Variants in ZNF543 observed in about 807,000 individuals in gnomAD.
ZNF543 encodes zinc finger protein 543.
In ZNF543, 10 loss-of-function variants were observed where a neutral mutation model predicts 13.4. The ratio of observed to expected loss-of-function variants is 0.75; its 90% CI spans 0.46 to 1.26. The LOEUF is 1.26. ZNF543 is among the 50% of genes most tolerant of loss of function. ZNF543 has a pLI of 0.00. For synonymous variants in ZNF543, 272 were observed against 264.7 expected (o/e 1.03, Z -0.27); for missense variants, 768 against 741.2 (o/e 1.04, Z -0.42).
rs935517988 is a variant in ZNF543, at chr19:57,329,663, C to T, written c.*398C>T. 7.4e-5 allele frequency: 12 copies of T among 161,494 alleles called. No homozygotes were observed. Among genetic ancestry groups the T allele is most frequent in the Admixed American group, 1.8e-4 (3 of 17,018 alleles). 10.0% of individuals were successfully genotyped at this position (161,494 alleles called of 1,614,324 possible). A position where few individuals can be genotyped will look rare whatever the true frequency, so the allele number is the denominator to read the frequency against. The stretch of plus-strand genomic sequence containing the variant: ...AAGTAGCTGGGACTACAGGCACCCG[C>T]CACTACGCCTGGCTAATTTTTTGTA... On this transcript the variant is annotated 3_prime_UTR_variant, in exon 4 of 4. Coordinates refer to ENST00000321545, the MANE Select transcript of ZNF543 (RefSeq NM_213598.4).
rs761133581 is a variant in ZNF543, at chr19:57,328,110, G to T, written c.648G>T (p.Gln216His). ...TTAAAAAGAATGCCCTCCTTGTTCA[G>T]CATGAACGGATTCACACTCAAGTGA... ...KVFKKNALLVQHERIHTQVKP... is the reference protein window; with the variant it reads ...KVFKKNALLVHHERIHTQVKP... Residue 216 changes from glutamine (Q) to histidine (H), a missense_variant, in exon 4 of 4, where the codon CAG becomes CAT. This residue lies in a region of ZNF543 where 677 missense variants were observed against 631.4 expected (regional missense o/e 1.07). Transcript: ENST00000321545. 6.2e-7 allele frequency: 1 copy of T among 1,614,252 alleles called. No homozygotes were observed.
At chr19:57,326,898 C>T (rs952484744) in intron 3 of ZNF543, among the ~76,000 whole-genome samples, 170 bp downstream of exon 3, 1 of 120,326 alleles carries the variant, frequency 8.3e-6, no homozygotes, top group African/African-American at 3.2e-5. Context: ...GACAGGGTTT[C>T]ACTCTGTCAC....
Position 57,327,196 on chromosome 19 carries a change from G to A in ZNF543, c.241+468G>A, listed in dbSNP as rs567702842. 2.9e-4 allele frequency among the ~76,000 whole-genome samples: 44 copies of A among 151,928 alleles called. No homozygotes were observed. In the South Asian group the frequency reaches 7.9e-3, roughly 27 times the overall value. On this transcript the variant is annotated intron_variant, in intron 3 of 3. Coordinates refer to ENST00000321545, the MANE Select transcript of ZNF543 (RefSeq NM_213598.4). ...AGTACTTCCAAGTTAGGTCCCAGAT[G>A]TATATATTTCACTAACGCATAATAA...
chr19:57,326,985 A>G (rs1235032528), intron 3 of ZNF543, among the ~76,000 whole-genome samples: 1 of 151,612 alleles, frequency 6.6e-6, no homozygotes, highest in Non-Finnish European at 1.5e-5. Context: ...CTCCCACCTC[A>G]GCCTCCCGGG....
In ZNF543 at chr19:57,320,735, G is replaced by A. The variant is rs925000035; in HGVS notation, c.-119G>A. ...CCGCTTTGTGCGCATTTTTCTCTGG[G>A]GAAACTGAGGCTCCGAGTGCGAAAG... is the stretch of plus-strand genomic sequence containing the variant. On this transcript the variant is annotated 5_prime_UTR_variant, in exon 1 of 4. Transcript: ENST00000321545. The A allele has an allele frequency of 2.3e-6, 3 of 1,294,820 alleles. No homozygotes were observed. The highest frequency in any genetic ancestry group is 2.1e-6 in the Non-Finnish European group (2 of 944,818). The allele number at this position is 1,294,820 out of a possible 1,614,324, so 80.2% of individuals were successfully genotyped here.
chr19:57,326,863 G>GCCCCCCCCC (rs752772288), intron 3 of ZNF543, 135 bp downstream of exon 3: 1 of 568,976 alleles, frequency 1.8e-6, no homozygotes, highest in African/African-American at 2.5e-5. Flanking sequence ...GCCTCTCCCC[G>GCCCCCCCCC]CCCGCCCCCC....
intron 3 of ZNF543, among the ~76,000 whole-genome samples, chr19:57,327,143 A>G (rs2088126634): frequency 6.6e-6 from 1 of 151,932 alleles, no homozygotes; most frequent in Non-Finnish European, 1.5e-5. Context: ...CTGAGCCACC[A>G]AGCCTGGCCT....
chr19:57,327,378 A>G (rs372708853), intron 3 of ZNF543, among the ~76,000 whole-genome samples: 9 of 136,720 alleles, frequency 6.6e-5, no homozygotes, highest in African/African-American at 2.5e-4. Context: ...GGAGCCTCCC[A>G]CTGTTGCCCT....
intron 3 of ZNF543, 81 bp downstream of exon 3, chr19:57,326,809 C>T: frequency 8.6e-7 from 1 of 1,162,122 alleles, no homozygotes; most frequent in Non-Finnish European, 1.3e-6. Flanking sequence ...ATTTTGTGGG[C>T]AATCTTCTTA....
At chr19:57,321,448 C>G (rs972061298) in intron 1 of ZNF543, among the ~76,000 whole-genome samples, 2 of 152,106 alleles carry the variant, frequency 1.3e-5, no homozygotes. Context: ...GAGAATCTGA[C>G]GATATTAAAG....
At chr19:57,323,443 T>C (rs1334618225) in intron 1 of ZNF543, among the ~76,000 whole-genome samples, 3 of 151,946 alleles carry the variant, frequency 2.0e-5, no homozygotes, top group Non-Finnish European at 4.4e-5. Flanking sequence ...CTGCCCTTCA[T>C]GGCCCCCCAA....
At position 57,328,930 on chromosome 19, in the gene ZNF543, C is replaced by G. The variant is rs371999397; in HGVS notation, c.1468C>G (p.Arg490Gly). The G allele has an allele frequency of 6.2e-7, 1 of 1,613,940 alleles. No individual in the cohort carries two copies. The highest frequency in any genetic ancestry group is 1.1e-5 in the South Asian group (1 of 91,080). ...ECVECGKAFN[R>G]SSHLTRHQQI... ...CGTGGAGTGTGGAAAGGCCTTCAAC[C>G]GCAGCTCACACCTCACGAGGCACCA... The change falls in exon 4 of 4, where the codon CGC becomes GGC. Residue 490 changes from arginine (R) to glycine (G), a missense_variant. This residue lies in a region of ZNF543 where 677 missense variants were observed against 631.4 expected (regional missense o/e 1.07). Coordinates refer to ENST00000321545, the MANE Select transcript of ZNF543 (RefSeq NM_213598.4).
At position 57,320,876 on chromosome 19, in the gene ZNF543, G is replaced by C. The variant is rs199716633; in HGVS notation, c.18+5G>C. 1 of 1,614,066 alleles carries C rather than the reference G, an allele frequency of 6.2e-7. No homozygotes were observed. Among genetic ancestry groups the C allele is most frequent in the East Asian group, 2.2e-5 (1 of 44,854 alleles). ...AGGATGGCAGCCTCGGCGCAGGTGA[G>C]TGGACGAGGTTTTGGCCTTGCTGCT... On this transcript the variant is annotated splice_donor_5th_base_variant and intron_variant, in intron 1 of 3. Coordinates refer to ENST00000321545, the MANE Select transcript of ZNF543 (RefSeq NM_213598.4).
intron 1 of ZNF543, among the ~76,000 whole-genome samples, chr19:57,323,415 A>G (rs889832191): frequency 6.6e-6 from 1 of 151,524 alleles, no homozygotes; most frequent in African/African-American, 2.4e-5. Flanking sequence ...GATGGTCTCG[A>G]TCTCCTGACC....
chr19:57,328,946 C>A lies in ZNF543; in HGVS notation c.1484C>A (p.Thr495Lys). The A allele has an allele frequency of 6.2e-7, 1 of 1,613,958 alleles. No individual in the cohort carries two copies. Among genetic ancestry groups the A allele is most frequent in the Non-Finnish European group, 8.5e-7 (1 of 1,179,994 alleles). Residue 495 changes from threonine to lysine, a missense_variant, in exon 4 of 4, where the codon ACG (threonine) becomes AAG (lysine). Transcript: ENST00000321545. ...GKAFNRSSHL[T>K]RHQQIHTGEK... The stretch of plus-strand genomic sequence containing the variant: ...GCCTTCAACCGCAGCTCACACCTCA[C>A]GAGGCACCAACAGATTCACACTGGA...
rs1453223962 is a variant in ZNF543, at chr19:57,327,993, T to C, written c.531T>C (p.Asp177=). The change falls in exon 4 of 4, where the codon GAT becomes GAC. Residue 177 remains aspartate (D), a synonymous_variant. Transcript: ENST00000321545. The part of the protein sequence containing the change: ...ITQKQVSTEG[D]LYECDSHGPV... Reference sequence around the variant, plus strand: ...AGAAACAAGTTTCAACAGAAGGTGATCTCTATGAATGTGATTCACATGGAC... The same window carrying C: ...AGAAACAAGTTTCAACAGAAGGTGACCTCTATGAATGTGATTCACATGGAC... 6.2e-7 allele frequency: 1 copy of C among 1,614,184 alleles called. No individual in the cohort carries two copies. The highest frequency in any genetic ancestry group is 2.2e-5 in the East Asian group (1 of 44,890).
intron 1 of ZNF543, among the ~76,000 whole-genome samples, chr19:57,322,476 C>G (rs957079278): frequency 6.2e-5 from 8 of 129,970 alleles, no homozygotes; most frequent in Non-Finnish European, 9.9e-5. Flanking sequence ...TATTGAGACC[C>G]TGTCTCAAAA....
At chr19:57,327,369 G>A (rs2088127839) in intron 3 of ZNF543, among the ~76,000 whole-genome samples, 1 of 147,396 alleles carries the variant, frequency 6.8e-6, no homozygotes, top group African/African-American at 2.5e-5. Context: ...TTCCGAGATG[G>A]AGCCTCCCAC....
Position 57,327,955 on chromosome 19 carries a change from A to G in ZNF543, c.493A>G (p.Thr165Ala). ...DGLGSDDGVC[T>A]KITQKQVSTE... ...TTTGGGGTCAGATGATGGTGTATGT[A>G]CAAAGATTACACAGAAACAAGTTTC... The change falls in exon 4 of 4, where the codon ACA becomes GCA. Residue 165 changes from threonine (T) to alanine (A), a missense_variant. Transcript: ENST00000321545. 6.2e-7 allele frequency: 1 copy of G among 1,614,188 alleles called. No individual in the cohort carries two copies. Among genetic ancestry groups the G allele is most frequent in the Non-Finnish European group, 8.5e-7 (1 of 1,180,054 alleles).
Sources: gnomAD v4.1 joint callset for allele counts (sites outside exome capture counted in the v4.1 genomes callset) on GRCh38, gnomAD v4.1.1 for gene constraint, gnomAD v4.1.1 regional missense constraint, MANE v1.5 for transcripts, NCBI Gene and HGNC (gene_info 2026-07-23, HGNC 2026-07-21) for gene names.